The following CACNA2D3 variants were observed in gnomAD, a reference collection of about 807,000 sequenced individuals.
The protein encoded by CACNA2D3 is voltage-dependent calcium channel subunit alpha-2/delta-3.
Under a neutral mutation model 160.6 loss-of-function variants are expected in CACNA2D3, and 60 were observed. That is an observed-to-expected ratio of 0.37 (90% CI 0.30 to 0.46). The LOEUF (loss-of-function observed/expected upper bound fraction) is 0.46, where lower values mean the gene tolerates loss of function less well. CACNA2D3 is among the 20% of genes least tolerant of loss of function. The pLI, the probability that CACNA2D3 is intolerant of heterozygous loss-of-function variation, is 1.00. For synonymous variants in CACNA2D3, 558 were observed against 492.9 expected, an observed-to-expected ratio of 1.13 and a Z score of -1.75; for missense variants, 1,205 against 1,365.0, an observed-to-expected ratio of 0.88 and a Z score of 1.85.
intron 11 of CACNA2D3, among the ~76,000 whole-genome samples, chr3:54,744,735 C>T (rs1158415457): frequency 1.3e-5 from 2 of 152,198 alleles, no homozygotes; most frequent in African/African-American, 4.8e-5. Flanking sequence ...CCTTGGCTCC[C>T]TTTGTTTAGT....
chr3:54,608,115 A>T (rs991446561), intron 9 of CACNA2D3, among the ~76,000 whole-genome samples: 9 of 152,238 alleles, frequency 5.9e-5, no homozygotes, highest in African/African-American at 2.2e-4. Context: ...TTCTTGTGAT[A>T]AAATTTCATA....
chr3:55,015,240 A>G (rs1279254683), intron 34 of CACNA2D3, among the ~76,000 whole-genome samples: 1 of 152,204 alleles, frequency 6.6e-6, no homozygotes, highest in African/African-American at 2.4e-5. Flanking sequence ...GCAGTTAAAC[A>G]TATACATGCT....
At chr3:54,778,092 TGGCAGAA>T (rs2107124388) in intron 13 of CACNA2D3, among the ~76,000 whole-genome samples, 1 of 152,234 alleles carries the variant, frequency 6.6e-6, no homozygotes, top group East Asian at 1.9e-4. Context: ...TCCTTCCACA[TGGCAGAA>T]GGCAAAGGGG....
At chr3:54,813,235 G>A (rs996291735) in intron 13 of CACNA2D3, among the ~76,000 whole-genome samples, 2 of 152,210 alleles carry the variant, frequency 1.3e-5, no homozygotes, top group African/African-American at 4.8e-5. Flanking sequence ...AATGCTGCCT[G>A]TCCAGACCCC....
intron 35 of CACNA2D3, among the ~76,000 whole-genome samples, chr3:55,026,298 A>C (rs1174256826): frequency 1.3e-5 from 2 of 152,208 alleles, no homozygotes; most frequent in Admixed American, 6.5e-5. Context: ...TCAGAAAACA[A>C]ATTAGGGTCA....
At chr3:54,451,811 C>G (rs1376511236) in intron 4 of CACNA2D3, among the ~76,000 whole-genome samples, 1 of 152,180 alleles carries the variant, frequency 6.6e-6, no homozygotes, top group Non-Finnish European at 1.5e-5. Context: ...AAGGTCATCA[C>G]TTATAAGTTC....
intron 2 of CACNA2D3, among the ~76,000 whole-genome samples, chr3:54,280,068 GTTTATTTATTTA>G (rs71617794): frequency 2.5e-4 from 34 of 135,466 alleles, no homozygotes; most frequent in South Asian, 1.7e-3. Context: ...TTGTTTGTTT[GTTTATTTATTTA>G]TTTATTTATT....
intron 11 of CACNA2D3, among the ~76,000 whole-genome samples, chr3:54,709,011 CTTT>C (rs35102613): frequency 4.9e-4 from 69 of 142,102 alleles, no homozygotes; most frequent in East Asian, 2.0e-3. Context: ...CCATCTTCAT[CTTT>C]TTTTTTTTTT....
chr3:54,355,596 C>T (rs149110596), intron 3 of CACNA2D3, among the ~76,000 whole-genome samples: 28 of 152,186 alleles, frequency 1.8e-4, no homozygotes, highest in Non-Finnish European at 2.6e-4. Flanking sequence ...AAATGATGCT[C>T]CTAGGCATTG....
intron 13 of CACNA2D3, among the ~76,000 whole-genome samples, chr3:54,791,220 A>G (rs777758345): frequency 6.6e-6 from 1 of 152,236 alleles, no homozygotes; most frequent in African/African-American, 2.4e-5. Context: ...ATCCGTGTGC[A>G]TATGACATTA....
chr3:54,862,444 C>T lies in CACNA2D3; in HGVS notation c.1627-9095C>T, dbSNP rs573133895. Among the ~76,000 whole-genome samples the T allele has an allele frequency of 1.8e-3, 271 of 152,160 alleles. 1 individual carries two copies. The highest frequency in any genetic ancestry group is 6.0e-3 in the African/African-American group (250 of 41,508). Reference sequence around the variant, plus strand: ...ACGTGATGAAGGCTCAGCATTCTGACGTTGGTTGTTGGTTGATGCTATTAC... The same window carrying T: ...ACGTGATGAAGGCTCAGCATTCTGATGTTGGTTGTTGGTTGATGCTATTAC... On this transcript the variant is annotated intron_variant, in intron 17 of 37. Transcript: ENST00000474759.
chr3:54,620,202 G>A lies in CACNA2D3; in HGVS notation c.964-7585G>A, dbSNP rs566079097. ...CCCTGCTCGTCATTTAGGCTGATAGGAGCCACATCTCTGTTTTAGGAGAAA... is the reference window on the plus strand; with the variant it reads ...CCCTGCTCGTCATTTAGGCTGATAGAAGCCACATCTCTGTTTTAGGAGAAA... On this transcript the variant is annotated intron_variant, in intron 9 of 37. Coordinates refer to ENST00000474759, the MANE Select transcript of CACNA2D3 (RefSeq NM_018398.3). 3.9e-5 allele frequency among the ~76,000 whole-genome samples: 6 copies of A among 152,268 alleles called. No individual in the cohort carries two copies. The South Asian group carries it at 1.2e-3, about 32-fold the overall frequency.
chr3:54,889,791 T>C (rs1412218982), intron 24 of CACNA2D3, among the ~76,000 whole-genome samples: 1 of 152,234 alleles, frequency 6.6e-6, no homozygotes. Flanking sequence ...TGGCAACGAA[T>C]TGAGCCTTTC....
intron 10 of CACNA2D3, among the ~76,000 whole-genome samples, chr3:54,634,309 A>G (rs1220606373): frequency 6.6e-6 from 1 of 152,128 alleles, no homozygotes; most frequent in Non-Finnish European, 1.5e-5. Flanking sequence ...CACATCTCTC[A>G]GGTATAACTC....
At chr3:54,282,079 C>T (rs547548154) in intron 2 of CACNA2D3, among the ~76,000 whole-genome samples, 26 of 152,246 alleles carry the variant, frequency 1.7e-4, no homozygotes, top group African/African-American at 5.5e-4. Flanking sequence ...GGCTCTTCAT[C>T]ACATAATTTG....
rs1046211492 is a variant in CACNA2D3 at position 54,258,319 on chromosome 3, G to A, written c.205-62123G>A. Among the ~76,000 whole-genome samples the A allele has an allele frequency of 4.6e-5, 7 of 152,202 alleles. No homozygotes were observed. The East Asian group carries it at 9.6e-4, about 21-fold the overall frequency. On this transcript the variant is annotated intron_variant, in intron 2 of 37. Transcript: ENST00000474759. ...AGTATTTATTGAGTGCCTGCTGTGT[G>A]TAAGCACTGTTTAGGTCCTGGGGGT...
chr3:54,914,993 T>G (rs1700631490), intron 27 of CACNA2D3, among the ~76,000 whole-genome samples: 1 of 152,232 alleles, frequency 6.6e-6, no homozygotes, highest in Non-Finnish European at 1.5e-5. Flanking sequence ...ATTTAGGATC[T>G]AAGATAAAGG....
chr3:54,316,694 T>C (rs182919311), intron 2 of CACNA2D3, among the ~76,000 whole-genome samples: 105 of 152,294 alleles, frequency 6.9e-4, no homozygotes, highest in African/African-American at 2.4e-3. Context: ...CCAGTAGTCC[T>C]GGGAGACTGA....
At chr3:54,951,413 C>T (rs1462934409) in intron 27 of CACNA2D3, among the ~76,000 whole-genome samples, 1 of 152,196 alleles carries the variant, frequency 6.6e-6, no homozygotes, top group Non-Finnish European at 1.5e-5. Context: ...AACAGAGTTC[C>T]AAGCCATCGA....
Sources: gnomAD v4.1 joint callset for allele counts (sites outside exome capture counted in the v4.1 genomes callset) on GRCh38, gnomAD v4.1.1 for gene constraint, MANE v1.5 for transcripts, NCBI Gene and HGNC (gene_info 2026-07-23, HGNC 2026-07-21) for gene names.